SLC35F4: variants seen among roughly 807,000 people sequenced by gnomAD.
SLC35F4 encodes the protein solute carrier family 35 member F4.
Under a neutral mutation model 44.2 loss-of-function variants are expected in SLC35F4, and 24 were observed. The observed-to-expected ratio is 0.54, with a 90% CI of 0.39 to 0.76. The LOEUF is 0.76. Among genes scored for constraint, SLC35F4 ranks in the 30% least tolerant of loss-of-function variants. SLC35F4 has a pLI of 0.00. For synonymous variants in SLC35F4, 238 were observed against 223.6 expected (o/e 1.06, Z -0.57); for missense variants, 562 against 586.1 (o/e 0.96, Z 0.42).
rs1882768157 is a variant in SLC35F4, at chr14:57,817,786, A to G, written c.103+47937T>C. ...TAAAAATTGATCATGACAATGGCCT[A>G]CAGTGAACGAGGCAGAGATTATGGA... On this transcript the variant is annotated intron_variant, in intron 1 of 7. Transcript: ENST00000556826. Among the ~76,000 whole-genome samples the G allele has an allele frequency of 2.6e-5, 4 of 152,182 alleles. No homozygotes were observed. In the South Asian group the frequency reaches 6.2e-4, roughly 24 times the overall value.
upstream of SLC35F4, among the ~76,000 whole-genome samples, chr14:57,869,568 C>G (rs930159339): frequency 2.0e-5 from 3 of 152,052 alleles, no homozygotes; most frequent in Non-Finnish European, 4.4e-5. Flanking sequence ...ATCTTTTTCC[C>G]CTCTGGGAAA....
At chr14:57,823,884 T>G (rs1883443835) in intron 1 of SLC35F4, among the ~76,000 whole-genome samples, 1 of 152,180 alleles carries the variant, frequency 6.6e-6, no homozygotes, top group Non-Finnish European at 1.5e-5. Flanking sequence ...TAATCTCACC[T>G]TTCAGATGAA....
Position 57,564,183 on chromosome 14 carries a change from C to T in SLC35F4, c.1410G>A (p.Leu470=). Residue 470 remains leucine (L), a synonymous_variant, in exon 8 of 8, where the codon CTG becomes CTA. Transcript: ENST00000556826. Reference sequence around the variant, plus strand: ...TCCCATTGGCTCTGCCTCTGCCCCGCAGGTGTATGCTGGGATCAGTCACAT... The same window carrying T: ...TCCCATTGGCTCTGCCTCTGCCCCGTAGGTGTATGCTGGGATCAGTCACAT... ...VDDVTDPSIH[L]RGRGRANGTV... 6.2e-7 allele frequency: 1 copy of T among 1,613,714 alleles called. No homozygotes were observed. The highest frequency in any genetic ancestry group is 8.5e-7 in the Non-Finnish European group (1 of 1,179,816).
At chr14:57,677,328 G>T (rs1378724887) in intron 1 of SLC35F4, among the ~76,000 whole-genome samples, 1 of 151,586 alleles carries the variant, frequency 6.6e-6, no homozygotes, top group Non-Finnish European at 1.5e-5. Context: ...TGGGTGATGG[G>T]TGCACCAAAA....
chr14:57,802,413 A>C (rs910371480), intron 1 of SLC35F4, among the ~76,000 whole-genome samples: 3 of 152,150 alleles, frequency 2.0e-5, no homozygotes, highest in African/African-American at 7.2e-5. Context: ...AACTATAACT[A>C]GAGAACCGAG....
intron 1 of SLC35F4, among the ~76,000 whole-genome samples, chr14:57,908,834 C>T (rs146755725): frequency 0.073 from 11,144 of 152,146 alleles, 530 homozygotes; most frequent in Non-Finnish European, 0.11. Flanking sequence ...TTGTTTTTGG[C>T]GTTTTAGTCA....
intron 1 of SLC35F4, among the ~76,000 whole-genome samples, chr14:57,675,859 T>C (rs1566751908): frequency 6.6e-6 from 1 of 152,054 alleles, no homozygotes. Context: ...CCTGAAACCA[T>C]AAAAATTCTA....
intron 1 of SLC35F4, among the ~76,000 whole-genome samples, chr14:57,643,890 A>G (rs1191841413): frequency 1.3e-5 from 2 of 151,986 alleles, no homozygotes; most frequent in Admixed American, 6.6e-5. Context: ...TCCATGCGAT[A>G]GTTTGCTGAG....
chr14:57,678,251 A>G (rs1006774762), intron 1 of SLC35F4, among the ~76,000 whole-genome samples: 7 of 152,122 alleles, frequency 4.6e-5, no homozygotes, highest in African/African-American at 1.7e-4. Flanking sequence ...CTGTCAACCC[A>G]GAATTTCATA....
At chr14:57,638,743 A>G (rs753265803) in intron 1 of SLC35F4, among the ~76,000 whole-genome samples, 21 of 152,062 alleles carry the variant, frequency 1.4e-4, no homozygotes, top group Non-Finnish European at 2.9e-4. Context: ...GCGGGAACAG[A>G]TGTTACTCTT....
chr14:57,878,402 C>G (rs777992901), intron 1 of SLC35F4, among the ~76,000 whole-genome samples: 3 of 152,154 alleles, frequency 2.0e-5, no homozygotes, highest in Non-Finnish European at 4.4e-5. Flanking sequence ...CAACAGGACT[C>G]TTAGCATGAA....
At chr14:57,967,016 A>T (rs1880883904) in intron 1 of SLC35F4, among the ~76,000 whole-genome samples, 1 of 152,138 alleles carries the variant, frequency 6.6e-6, no homozygotes, top group Admixed American at 6.5e-5. Flanking sequence ...TCTCAAAAAA[A>T]AAAAGAAGAA....
chr14:57,849,222 A>G (rs1886320677), intron 1 of SLC35F4, among the ~76,000 whole-genome samples: 1 of 152,196 alleles, frequency 6.6e-6, no homozygotes, highest in Admixed American at 6.5e-5. Flanking sequence ...GTGCAGTGGC[A>G]TGATCTCGAG....
At chr14:57,851,166 G>C (rs924150004) in intron 1 of SLC35F4, among the ~76,000 whole-genome samples, 2 of 152,104 alleles carry the variant, frequency 1.3e-5, no homozygotes, top group Admixed American at 1.3e-4. Flanking sequence ...AACCACAAGA[G>C]CTTTCTCACT....
At chr14:57,741,868 A>G (rs1265364395) in intron 1 of SLC35F4, among the ~76,000 whole-genome samples, 1 of 152,216 alleles carries the variant, frequency 6.6e-6, no homozygotes, top group African/African-American at 2.4e-5. Context: ...GACTAACAGC[A>G]GATCTCTTGG....
chr14:57,824,432 C>T (rs1883505536), intron 1 of SLC35F4, among the ~76,000 whole-genome samples: 1 of 152,100 alleles, frequency 6.6e-6, no homozygotes, highest in South Asian at 2.1e-4. Context: ...TACATACATA[C>T]ATATGTACAC....
intron 1 of SLC35F4, among the ~76,000 whole-genome samples, chr14:57,786,142 G>A (rs1282057908): frequency 6.6e-6 from 1 of 152,084 alleles, no homozygotes; most frequent in Non-Finnish European, 1.5e-5. Context: ...TATGAGTGCT[G>A]GATTTCCTTC....
intron 1 of SLC35F4, among the ~76,000 whole-genome samples, chr14:57,732,436 A>G (rs2076365469): frequency 6.6e-6 from 1 of 152,224 alleles, no homozygotes; most frequent in Non-Finnish European, 1.5e-5. Flanking sequence ...TTTTAGTTCC[A>G]AAATGCTGTA....
chr14:57,576,148 A>G (rs1439149227), intron 4 of SLC35F4, among the ~76,000 whole-genome samples: 1 of 152,180 alleles, frequency 6.6e-6, no homozygotes, highest in Non-Finnish European at 1.5e-5. Context: ...GCATAACAGT[A>G]CCAGCTCTTT....
Sources: allele counts gnomAD v4.1 joint callset (sites outside exome capture counted in the v4.1 genomes callset), GRCh38; gene constraint gnomAD v4.1.1; transcripts MANE v1.5; gene names NCBI Gene and HGNC (gene_info 2026-07-23, HGNC 2026-07-21).